Variants in MACROD2 observed in about 807,000 individuals in gnomAD.
MACROD2 encodes mono-ADP ribosylhydrolase 2.
MACROD2 carries 36 observed loss-of-function variants against 70.4 expected under a neutral mutation model. The observed-to-expected ratio is 0.51, with a 90% confidence interval of 0.39 to 0.68. The LOEUF (loss-of-function observed/expected upper bound fraction) is 0.68, where lower values mean the gene tolerates loss of function less well. Ranked by LOEUF, MACROD2 falls within the 30% of genes least tolerant of loss-of-function variation. MACROD2 has a pLI of 0.00. For missense variants in MACROD2, 496 were observed against 538.4 expected (o/e 0.92, Z 0.78); for synonymous variants, 172 against 178.8 (o/e 0.96, Z 0.30).
intron 5 of MACROD2, among the ~76,000 whole-genome samples, chr20:14,751,332 TCTAA>T (rs746226902): frequency 6.6e-6 from 1 of 152,218 alleles, no homozygotes; most frequent in Admixed American, 6.5e-5. Flanking sequence ...TTTTGATCTT[TCTAA>T]CTGACATGTT....
chr20:14,795,915 T>G (rs955137642), intron 5 of MACROD2, among the ~76,000 whole-genome samples: 21 of 152,018 alleles, frequency 1.4e-4, no homozygotes, highest in Admixed American at 1.4e-3. Flanking sequence ...CAAGTGTATC[T>G]TGTGGGAGCC....
chr20:14,056,552 C>A (rs1396471586), intron 2 of MACROD2, among the ~76,000 whole-genome samples: 1 of 151,664 alleles, frequency 6.6e-6, no homozygotes, highest in African/African-American at 2.4e-5. Context: ...TTGTTATTTT[C>A]TAGATTTTCA....
chr20:15,355,646 C>T (rs2078278435), intron 6 of MACROD2, among the ~76,000 whole-genome samples: 1 of 152,168 alleles, frequency 6.6e-6, no homozygotes, highest in Non-Finnish European at 1.5e-5. Flanking sequence ...ACTCTTTAAT[C>T]ATGTGGTTGG....
chr20:14,008,053 A>G (rs1057182375), intron 2 of MACROD2, among the ~76,000 whole-genome samples: 29 of 152,306 alleles, frequency 1.9e-4, no homozygotes, highest in African/African-American at 7.0e-4. Flanking sequence ...TCCCCTTGAA[A>G]ACGAACACAA....
intron 8 of MACROD2, among the ~76,000 whole-genome samples, chr20:15,843,966 A>G (rs888701963): frequency 2.6e-5 from 4 of 151,684 alleles, no homozygotes; most frequent in Non-Finnish European, 4.4e-5. Context: ...ACTCATCCCT[A>G]CTATTGCCTT....
At chr20:15,406,981 C>A (rs1007857702) in intron 6 of MACROD2, among the ~76,000 whole-genome samples, 1 of 152,206 alleles carries the variant, frequency 6.6e-6, no homozygotes, top group Non-Finnish European at 1.5e-5. Flanking sequence ...CCCTTAGTAA[C>A]TTCTGAGCCT....
At chr20:14,459,902 T>G (rs1218757277) in intron 3 of MACROD2, among the ~76,000 whole-genome samples, 1 of 151,956 alleles carries the variant, frequency 6.6e-6, no homozygotes, top group Admixed American at 6.6e-5. Context: ...CAGGCCCTGG[T>G]GTTTGATGTT....
intron 5 of MACROD2, among the ~76,000 whole-genome samples, chr20:14,875,959 A>G (rs560384575): frequency 5.8e-4 from 88 of 152,144 alleles, no homozygotes; most frequent in South Asian, 4.8e-3. Flanking sequence ...TGGTATAACA[A>G]TTATTGTCCT....
At chr20:14,302,179 T>G (rs1371417772) in intron 3 of MACROD2, among the ~76,000 whole-genome samples, 1 of 152,198 alleles carries the variant, frequency 6.6e-6, no homozygotes, top group East Asian at 1.9e-4. Flanking sequence ...TGGGCTTTTA[T>G]CTGGAGTCTC....
intron 3 of MACROD2, chr20:14,327,233 G>C (rs2082751050): frequency 6.2e-7 from 1 of 1,613,644 alleles, no homozygotes. Flanking sequence ...AAACTGTTGT[G>C]GTATAGGTAT....
chr20:15,222,266 G>A (rs1007022117), intron 5 of MACROD2, among the ~76,000 whole-genome samples: 3 of 151,994 alleles, frequency 2.0e-5, no homozygotes, highest in African/African-American at 4.8e-5. Flanking sequence ...TGATATCTTC[G>A]GCAGATTGAA....
chr20:15,126,646 A>C (rs1290228259), intron 5 of MACROD2, among the ~76,000 whole-genome samples: 1 of 152,100 alleles, frequency 6.6e-6, no homozygotes, highest in Non-Finnish European at 1.5e-5. Flanking sequence ...ATTGTTCATT[A>C]AGAGTCTTCT....
At chr20:14,684,156 A>C (rs1246092701) in intron 4 of MACROD2, among the ~76,000 whole-genome samples, 1 of 152,180 alleles carries the variant, frequency 6.6e-6, no homozygotes, top group Non-Finnish European at 1.5e-5. Flanking sequence ...GTTCTGCTTC[A>C]GGCCGTGCCA....
At chr20:14,832,152 C>A (rs918846402) in intron 5 of MACROD2, among the ~76,000 whole-genome samples, 1 of 148,394 alleles carries the variant, frequency 6.7e-6, no homozygotes, top group Admixed American at 6.8e-5. Context: ...ACGCCATTCT[C>A]CTGCCTCAGC....
At chr20:15,811,345 C>G (rs1210170840) in intron 8 of MACROD2, among the ~76,000 whole-genome samples, 1 of 151,810 alleles carries the variant, frequency 6.6e-6, no homozygotes, top group Non-Finnish European at 1.5e-5. Flanking sequence ...AAATGCTCAT[C>G]ATCACTGGCC....
chr20:15,871,611 A>G (rs2064584977), intron 9 of MACROD2, among the ~76,000 whole-genome samples: 1 of 152,218 alleles, frequency 6.6e-6, no homozygotes, highest in South Asian at 2.1e-4. Flanking sequence ...GCAAATGTGT[A>G]TGAGGACCAG....
At chr20:15,377,975 C>T (rs569236897) in intron 6 of MACROD2, among the ~76,000 whole-genome samples, 53 of 152,082 alleles carry the variant, frequency 3.5e-4, no homozygotes, top group African/African-American at 1.2e-3. Flanking sequence ...GGAAACATCA[C>T]ACACTGGGGC....
Position 14,420,037 on chromosome 20 carries a change from A to C in MACROD2, c.272-73442A>C, listed in dbSNP as rs571268247. On this transcript the variant is annotated intron_variant, in intron 3 of 17. Coordinates refer to ENST00000684519, the MANE Select transcript of MACROD2 (RefSeq NM_001351661.2). Reference sequence around the variant, plus strand: ...ATATCTACGATAATTTTCTTAGGGTAAATACCCAAATGTGGAATTAGTCAT... The same window carrying C: ...ATATCTACGATAATTTTCTTAGGGTCAATACCCAAATGTGGAATTAGTCAT... Among the ~76,000 whole-genome samples, 12 of 152,098 alleles carry C rather than the reference A, an allele frequency of 7.9e-5. No homozygotes were observed. The East Asian group carries it at 2.3e-3, about 29-fold the overall frequency.
At chr20:15,514,944 A>T (rs2047547175) in intron 8 of MACROD2, among the ~76,000 whole-genome samples, 1 of 152,232 alleles carries the variant, frequency 6.6e-6, no homozygotes, top group South Asian at 2.1e-4. Flanking sequence ...ATGCTTATGA[A>T]TCTCACTACA....
Sources: gnomAD v4.1 joint callset for allele counts (sites outside exome capture counted in the v4.1 genomes callset) on GRCh38, gnomAD v4.1.1 for gene constraint, MANE v1.5 for transcripts, NCBI Gene and HGNC (gene_info 2026-07-23, HGNC 2026-07-21) for gene names.